The following RIMS1 variants were observed in gnomAD, a reference collection of about 807,000 sequenced individuals.
RIMS1 encodes regulating synaptic membrane exocytosis 1.
In RIMS1, 83 loss-of-function variants were observed where a neutral mutation model predicts 214.1. The observed-to-expected ratio is 0.39, with a 90% confidence interval of 0.32 to 0.47. RIMS1 has a LOEUF of 0.47. RIMS1 is among the 20% of genes least tolerant of loss of function. RIMS1 has a pLI of 0.99. For synonymous variants in RIMS1, 793 were observed against 786.8 expected (o/e 1.01, Z -0.13); for missense variants, 2,050 against 2,161.8 (o/e 0.95, Z 1.03).
chr6:72,143,403 A>G (rs2153886490), intron 4 of RIMS1, among the ~76,000 whole-genome samples: 1 of 152,228 alleles, frequency 6.6e-6, no homozygotes, highest in East Asian at 1.9e-4. Flanking sequence ...AGAGCTGGGC[A>G]TCATAAAGAG....
chr6:72,174,700 G>C (rs2047476476), intron 4 of RIMS1, among the ~76,000 whole-genome samples: 1 of 152,024 alleles, frequency 6.6e-6, no homozygotes, highest in East Asian at 1.9e-4. Flanking sequence ...AGAAATACTT[G>C]TGCCATAATA....
intron 6 of RIMS1, among the ~76,000 whole-genome samples, chr6:72,195,239 A>T (rs993029447): frequency 3.3e-5 from 5 of 152,192 alleles, no homozygotes; most frequent in Non-Finnish European, 7.4e-5. Context: ...GACTTTCAGT[A>T]AACTGAGAAA....
intron 4 of RIMS1, among the ~76,000 whole-genome samples, chr6:72,102,039 T>C (rs1260293484): frequency 6.6e-6 from 1 of 151,974 alleles, no homozygotes; most frequent in East Asian, 1.9e-4. Flanking sequence ...AGCCTAAATA[T>C]ATAGCAATAC....
intron 23 of RIMS1, among the ~76,000 whole-genome samples, chr6:72,276,056 T>A (rs1337823879): frequency 3.3e-5 from 5 of 152,010 alleles, no homozygotes; most frequent in Non-Finnish European, 7.4e-5. Flanking sequence ...CTGCAAACAG[T>A]TTCAAAATTA....
intron 4 of RIMS1, among the ~76,000 whole-genome samples, chr6:72,102,226 T>C (rs2033763355): frequency 6.6e-6 from 1 of 152,002 alleles, no homozygotes; most frequent in Non-Finnish European, 1.5e-5. Flanking sequence ...TTTTCATCAC[T>C]ATTTTTTTAG....
chr6:72,139,622 A>AAT (rs2041839404), intron 4 of RIMS1, among the ~76,000 whole-genome samples: 1 of 152,182 alleles, frequency 6.6e-6, no homozygotes. Context: ...GACACTAAAT[A>AAT]ATATATATTA....
intron 27 of RIMS1, among the ~76,000 whole-genome samples, chr6:72,312,639 A>T (rs2095567736): frequency 6.6e-6 from 1 of 152,116 alleles, no homozygotes; most frequent in African/African-American, 2.4e-5. Flanking sequence ...TTTAATAAGG[A>T]TCCAGTATTC....
At chr6:72,237,964 T>G (rs747541643) in intron 9 of RIMS1, 42 bp downstream of exon 9, 21 of 1,360,752 alleles carry the variant, frequency 1.5e-5, no homozygotes, top group Non-Finnish European at 2.1e-5. Flanking sequence ...GTGTTCTCCA[T>G]GCATGAACAT....
At chr6:72,285,107 G>T (rs1429334507) in intron 24 of RIMS1, among the ~76,000 whole-genome samples, 1 of 152,288 alleles carries the variant, frequency 6.6e-6, no homozygotes, top group East Asian at 1.9e-4. Context: ...GAAATTCTGA[G>T]AGGTTAAATG....
Position 72,400,576 on chromosome 6 carries a change from C to T in RIMS1, c.4941C>T (p.Asp1647=). ...CTCAGATCTTGTTGGAAGAACTCGA[C>T]CTGTCCAGCATGGTGATCGGATGGT... The part of the protein sequence containing the change: ...GVAQILLEEL[D]LSSMVIGWYK... Residue 1647 remains aspartate (D), a synonymous_variant, in exon 34 of 34, where the codon GAC becomes GAT. Coordinates refer to ENST00000521978, the MANE Select transcript of RIMS1 (RefSeq NM_014989.7). 1 of 1,613,912 alleles carries T rather than the reference C, an allele frequency of 6.2e-7. No individual in the cohort carries two copies. Among genetic ancestry groups the T allele is most frequent in the Non-Finnish European group, 8.5e-7 (1 of 1,179,868 alleles).
At chr6:72,282,847 T>G (rs1369623199) in intron 23 of RIMS1, among the ~76,000 whole-genome samples, 1 of 152,150 alleles carries the variant, frequency 6.6e-6, no homozygotes, top group Non-Finnish European at 1.5e-5. Context: ...CTTCCTTTTT[T>G]ATCTTAAAAG....
At chr6:72,131,912 A>G (rs972909438) in intron 4 of RIMS1, among the ~76,000 whole-genome samples, 2 of 152,168 alleles carry the variant, frequency 1.3e-5, no homozygotes, top group African/African-American at 2.4e-5. Flanking sequence ...GCTGAGAAAA[A>G]CAATTCAGTG....
rs779665116 is a variant in RIMS1 at position 72,313,544 on chromosome 6, C to T, written c.4002C>T (p.Asn1334=). Residue 1334 remains asparagine (N), a synonymous_variant, in exon 28 of 34, where the codon AAC becomes AAT. Coordinates refer to ENST00000521978, the MANE Select transcript of RIMS1 (RefSeq NM_014989.7). ...AAGATCAGTACAGAAGCTGTGATAA[C>T]GTCTCTGCCAAATCATCAGATAGTG... ...IHKDQYRSCD[N]VSAKSSDSDV... 7 of 1,613,686 alleles carry T rather than the reference C, an allele frequency of 4.3e-6. No homozygotes were observed. The highest frequency in any genetic ancestry group is 2.2e-5 in the East Asian group (1 of 44,864).
intron 1 of RIMS1, among the ~76,000 whole-genome samples, chr6:71,963,763 T>A (rs1018959496): frequency 6.6e-6 from 1 of 152,178 alleles, no homozygotes; most frequent in Non-Finnish European, 1.5e-5. Context: ...ATTTTATAAA[T>A]ATTTTATAGA....
At position 71,886,917 on chromosome 6, in the gene RIMS1, C is replaced by T; in HGVS notation, c.-107C>T. The T allele has an allele frequency of 3.7e-6, 5 of 1,354,756 alleles. No individual in the cohort carries two copies. Among genetic ancestry groups the T allele is most frequent in the South Asian group, 1.4e-5 (1 of 73,332 alleles). 83.9% of individuals were successfully genotyped at this position (1,354,756 alleles called of 1,614,324 possible). ...CCGCCGCTGCTCCTCCTCCTGCCGC[C>T]GCCGCTAGGGCTCCGCTGTGAGGGG... On this transcript the variant is annotated 5_prime_UTR_variant, in exon 1 of 34. Coordinates refer to ENST00000521978, the MANE Select transcript of RIMS1 (RefSeq NM_014989.7).
At chr6:71,892,300 G>A (rs922293840) in intron 1 of RIMS1, among the ~76,000 whole-genome samples, 3 of 152,156 alleles carry the variant, frequency 2.0e-5, no homozygotes, top group African/African-American at 7.2e-5. Context: ...ACTCACCCAG[G>A]CTCACCTCTT....
At chr6:72,191,826 C>T (rs2050114631) in intron 6 of RIMS1, among the ~76,000 whole-genome samples, 1 of 152,214 alleles carries the variant, frequency 6.6e-6, no homozygotes, top group South Asian at 2.1e-4. Context: ...CTCCAAGATC[C>T]ATCTGTCTTC....
intron 2 of RIMS1, among the ~76,000 whole-genome samples, chr6:72,077,097 C>G (rs977803265): frequency 6.6e-6 from 1 of 152,184 alleles, no homozygotes; most frequent in South Asian, 2.1e-4. Flanking sequence ...ACGGGCTGCT[C>G]CATCTGCCTG....
chr6:72,296,031 G>A (rs1025080064), intron 26 of RIMS1: 1 of 198,350 alleles, frequency 5.0e-6, no homozygotes, highest in Non-Finnish European at 9.1e-6. Flanking sequence ...ATATACAAGA[G>A]TTATATAACT....
Sources: allele counts gnomAD v4.1 joint callset (sites outside exome capture counted in the v4.1 genomes callset), GRCh38; gene constraint gnomAD v4.1.1; transcripts MANE v1.5; gene names NCBI Gene and HGNC (gene_info 2026-07-23, HGNC 2026-07-21).